The following CHP1 variants were observed in gnomAD, a reference collection of about 807,000 sequenced individuals.
CHP1 encodes the protein calcineurin like EF-hand protein 1.
A neutral mutation model predicts 27.4 loss-of-function variants in CHP1; 11 were observed. That is an observed-to-expected ratio of 0.40 (90% CI 0.25 to 0.67). The LOEUF is 0.67. CHP1 is among the 30% of genes least tolerant of loss of function. The pLI is 0.38. For missense variants in CHP1, 169 were observed against 251.3 expected (o/e 0.67, Z 2.22); for synonymous variants, 89 against 87.4 (o/e 1.02, Z -0.10).
chr15:41,274,297 C>T (rs1181938275), intron 5 of CHP1, among the ~76,000 whole-genome samples: 2 of 152,138 alleles, frequency 1.3e-5, no homozygotes, highest in African/African-American at 4.8e-5. Context: ...GCAACATGGA[C>T]AGGTAGAGGG....
intron 4 of CHP1, among the ~76,000 whole-genome samples, chr15:41,266,811 C>T (rs562487748): frequency 2.0e-5 from 3 of 152,140 alleles, no homozygotes; most frequent in South Asian, 4.2e-4. Flanking sequence ...ACCAGCCTGG[C>T]CAATGTGGTG....
rs949538845 is a variant in CHP1, at chr15:41,264,180, A to T, written c.349+1297A>T. 7 of 1,286,454 alleles carry T rather than the reference A, an allele frequency of 5.4e-6. No individual in the cohort carries two copies. In the African/African-American group the frequency reaches 1.1e-4, roughly 20 times the overall value. 79.7% of individuals were successfully genotyped at this position (1,286,454 alleles called of 1,614,324 possible). ...CATCTGGCAGTAGAGGAAGAGAGAT[A>T]TATATAGAGAGAGATCGAGACTGAA... On this transcript the variant is annotated intron_variant, in intron 4 of 6. Coordinates refer to ENST00000334660, the MANE Select transcript of CHP1 (RefSeq NM_007236.5).
intron 5 of CHP1, among the ~76,000 whole-genome samples, chr15:41,275,504 G>T (rs1013682032): frequency 6.6e-6 from 1 of 152,120 alleles, no homozygotes; most frequent in African/African-American, 2.4e-5. Context: ...AATCAGTTTG[G>T]ATACAAATCA....
chr15:41,247,047 G>A (rs1230260239), intron 2 of CHP1, among the ~76,000 whole-genome samples: 1 of 151,648 alleles, frequency 6.6e-6, no homozygotes, highest in Non-Finnish European at 1.5e-5. Flanking sequence ...AAACTTTCCA[G>A]GCGTCAGTGT....
chr15:41,265,628 T>C (rs1430887027), intron 4 of CHP1, among the ~76,000 whole-genome samples: 1 of 151,566 alleles, frequency 6.6e-6, no homozygotes, highest in East Asian at 1.9e-4. Flanking sequence ...GGAGAATACT[T>C]TGAACCTGGG....
intron 2 of CHP1, among the ~76,000 whole-genome samples, chr15:41,248,733 G>C (rs2047348856): frequency 6.6e-6 from 1 of 152,122 alleles, no homozygotes; most frequent in African/African-American, 2.4e-5. Context: ...GAGCAACATA[G>C]TGAAACCCCG....
At chr15:41,237,769 C>T (rs1289183072) in intron 1 of CHP1, among the ~76,000 whole-genome samples, 6 of 152,112 alleles carry the variant, frequency 3.9e-5, no homozygotes, top group Admixed American at 1.3e-4. Flanking sequence ...GTTCTGTCAC[C>T]AGGCTGGAGT....
rs1595480189 is a variant in CHP1, at chr15:41,265,434, G to C, written c.349+2551G>C. ...TTAGAAATCTGGGTTTACAGGCCAG[G>C]CATGATGGCTCACGCCTGTAATCCC... On this transcript the variant is annotated intron_variant, in intron 4 of 6. Transcript: ENST00000334660. 5.4e-5 allele frequency among the ~76,000 whole-genome samples: 8 copies of C among 148,478 alleles called. No individual in the cohort carries two copies. In the South Asian group the frequency reaches 1.7e-3, roughly 32 times the overall value.
chr15:41,233,410 G>A (rs2047262315), intron 1 of CHP1, among the ~76,000 whole-genome samples: 1 of 152,176 alleles, frequency 6.6e-6, no homozygotes, highest in Non-Finnish European at 1.5e-5. Flanking sequence ...GAAATGACCT[G>A]GATGGGATAT....
At position 41,278,332 on chromosome 15, in the gene CHP1, CA is replaced by C. The variant is rs61453137; in HGVS notation, c.412-417del. Among the ~76,000 whole-genome samples, 783 of 78,530 alleles carry C rather than the reference CA, an allele frequency of 1.0e-2. 2 individuals carry two copies. The highest frequency in any genetic ancestry group is 0.046 in the South Asian group (104 of 2,274). The allele number at this position is 78,530 out of a possible 152,430, so 51.5% of individuals were successfully genotyped here. ...TGGGCAACAGAGTGAGACTCCGTCT[CA>C]AAAAAAAAAAAAAAAAAGGAAAAAA... On this transcript the variant is annotated intron_variant, in intron 5 of 6. Transcript: ENST00000334660.
chr15:41,270,334 G>A (rs1229434115), intron 4 of CHP1, among the ~76,000 whole-genome samples: 1 of 152,136 alleles, frequency 6.6e-6, no homozygotes, highest in Non-Finnish European at 1.5e-5. Context: ...GAAGTTTTCT[G>A]ATTTGTTGGA....
intron 5 of CHP1, among the ~76,000 whole-genome samples, chr15:41,276,827 G>A (rs942295835): frequency 2.6e-5 from 4 of 152,268 alleles, no homozygotes; most frequent in African/African-American, 4.8e-5. Context: ...TTAGGCTCAC[G>A]CAACAAGAAT....
At chr15:41,254,524 T>A (rs1361362743) in intron 2 of CHP1, among the ~76,000 whole-genome samples, 1 of 152,220 alleles carries the variant, frequency 6.6e-6, no homozygotes, top group Non-Finnish European at 1.5e-5. Context: ...AATTAAATAA[T>A]CAGGACCTCG....
At chr15:41,232,686 C>T (rs191704204) in intron 1 of CHP1, among the ~76,000 whole-genome samples, 1 of 152,066 alleles carries the variant, frequency 6.6e-6, no homozygotes, top group African/African-American at 2.4e-5. Flanking sequence ...TTTCAGTAAA[C>T]CTTTATGATT....
rs145326819 is a variant in CHP1 at position 41,253,594 on chromosome 15, A to G, written c.141-3316A>G. 2.5e-3 allele frequency among the ~76,000 whole-genome samples: 374 copies of G among 151,788 alleles called. 4 individuals are homozygous for G. The highest frequency in any genetic ancestry group is 8.5e-3 in the African/African-American group (352 of 41,404). ...CTCAGTCTCCCGAGTAGCTGGGACT[A>G]CAGGTGCCCGTCACCACGCCTAGCT... On this transcript the variant is annotated intron_variant, in intron 2 of 6. Coordinates refer to ENST00000334660, the MANE Select transcript of CHP1 (RefSeq NM_007236.5).
At chr15:41,232,155 A>G (rs1192189212) in intron 1 of CHP1, among the ~76,000 whole-genome samples, 1 of 150,732 alleles carries the variant, frequency 6.6e-6, no homozygotes, top group African/African-American at 2.4e-5. Context: ...TTTATTCGCT[A>G]TTGAAATTGG....
intron 1 of CHP1, among the ~76,000 whole-genome samples, chr15:41,239,811 C>T (rs1567003005): frequency 1.3e-5 from 2 of 151,854 alleles, no homozygotes; most frequent in Non-Finnish European, 2.9e-5. Flanking sequence ...AGTCTCCTCT[C>T]TGTCACCCAG....
chr15:41,231,516 C>T, intron 1 of CHP1, 67 bp downstream of exon 1: 2 of 1,489,216 alleles, frequency 1.3e-6, no homozygotes, highest in South Asian at 1.2e-5. Flanking sequence ...GGGCGGCTGT[C>T]GCTAAGGTCT....
chr15:41,231,685 G>C lies in CHP1; in HGVS notation c.67+236G>C, dbSNP rs562577218. Among the ~76,000 whole-genome samples, 6 of 152,092 alleles carry C rather than the reference G, an allele frequency of 3.9e-5. No homozygotes were observed. In the South Asian group the frequency reaches 1.3e-3, roughly 32 times the overall value. On this transcript the variant is annotated intron_variant, in intron 1 of 6. Coordinates refer to ENST00000334660, the MANE Select transcript of CHP1 (RefSeq NM_007236.5). ...TCAAAATCGGGACTCTTGATCACTCGTAGAGCGTCGACGCCCCCCTTTTCT... is the reference window on the plus strand; with the variant it reads ...TCAAAATCGGGACTCTTGATCACTCCTAGAGCGTCGACGCCCCCCTTTTCT...
Sources: allele counts gnomAD v4.1 joint callset (sites outside exome capture counted in the v4.1 genomes callset), GRCh38; gene constraint gnomAD v4.1.1; transcripts MANE v1.5; gene names NCBI Gene and HGNC (gene_info 2026-07-23, HGNC 2026-07-21).